Variants in MATN3 observed in about 807,000 individuals in gnomAD.
MATN3 encodes the protein matrilin-3.
MATN3 carries 48 observed loss-of-function variants against 45.3 expected under a neutral mutation model. The observed-to-expected ratio is 1.06, with a 90% CI of 0.84 to 1.35. The LOEUF (loss-of-function observed/expected upper bound fraction) is 1.35. Ranked by LOEUF, MATN3 falls within the 40% of genes most tolerant of loss-of-function variation. The pLI is 0.00. For synonymous variants in MATN3, 217 were observed against 245.9 expected (o/e 0.88, Z 1.10); for missense variants, 599 against 628.0 (o/e 0.95, Z 0.49).
chr2:20,011,798 C>T (rs924514837), intron 1 of MATN3, among the ~76,000 whole-genome samples: 1 of 152,206 alleles, frequency 6.6e-6, no homozygotes, highest in Non-Finnish European at 1.5e-5. Context: ...CTGTGTCAGA[C>T]GACCTGCCCG....
rs200692455 is a variant in MATN3 at position 20,007,771 on chromosome 2, A to G, written c.224-1461T>C. On this transcript the variant is annotated intron_variant, in intron 1 of 7. Coordinates refer to ENST00000407540, the MANE Select transcript of MATN3 (RefSeq NM_002381.5). ...TATAAACCAGATAGCCAGATTTCCC[A>G]CCTTCAAAGAATTTATCTCTTTTCT... 2.6e-5 allele frequency among the ~76,000 whole-genome samples: 4 copies of G among 152,270 alleles called. No homozygotes were observed. The East Asian group carries it at 5.8e-4, about 22-fold the overall frequency.
intron 6 of MATN3, among the ~76,000 whole-genome samples, chr2:19,996,325 A>G (rs1001691072): frequency 1.5e-4 from 23 of 152,334 alleles, no homozygotes; most frequent in African/African-American, 5.3e-4. Context: ...TTTTGAAAGA[A>G]ATTAAAGAAG....
In MATN3 at chr2:19,992,598, T is replaced by C. The variant is rs1672778863; in HGVS notation, c.*513A>G. ...AATCTATTGATCACATCTTCAATAA[T>C]ACTCCAACAAAATAAGCAAAAAACA... On this transcript the variant is annotated 3_prime_UTR_variant, in exon 8 of 8. Transcript: ENST00000407540. The C allele has an allele frequency of 6.4e-6, 1 of 155,348 alleles. No homozygotes were observed. Among genetic ancestry groups the C allele is most frequent in the Admixed American group, 6.5e-5 (1 of 15,344 alleles). 9.6% of individuals were successfully genotyped at this position (155,348 alleles called of 1,614,324 possible). A position where few individuals can be genotyped will look rare whatever the true frequency, so the allele number is the denominator to read the frequency against.
chr2:20,008,664 G>C (rs1279630081), intron 1 of MATN3, among the ~76,000 whole-genome samples: 5 of 152,092 alleles, frequency 3.3e-5, no homozygotes, highest in Admixed American at 6.5e-5. Flanking sequence ...TGGAGGTGCA[G>C]AGGTGGTTTT....
intron 5 of MATN3, among the ~76,000 whole-genome samples, chr2:19,998,513 T>C (rs1163358946): frequency 6.6e-6 from 1 of 152,204 alleles, no homozygotes; most frequent in East Asian, 1.9e-4. Context: ...CCCAGCACTT[T>C]GGGAAGCCAA....
At chr2:20,008,172 A>G (rs1673149401) in intron 1 of MATN3, among the ~76,000 whole-genome samples, 1 of 152,190 alleles carries the variant, frequency 6.6e-6, no homozygotes, top group African/African-American at 2.4e-5. Context: ...TATGTTGGCC[A>G]GGCTGGGCTC....
Position 20,006,253 on chromosome 2 carries a change from A to G in MATN3, c.281T>C (p.Val94Ala), listed in dbSNP as rs1673105636. 6.2e-7 allele frequency: 1 copy of G among 1,607,800 alleles called. No individual in the cohort carries two copies. Among genetic ancestry groups the G allele is most frequent in the Non-Finnish European group, 8.5e-7 (1 of 1,178,002 alleles). The change falls in exon 2 of 8, where the codon GTA becomes GCA. Residue 94 changes from valine (V) to alanine (A), a missense_variant. Transcript: ENST00000407540. ...CACTTTGGTGAATTCCAGGGGCCGT[A>G]CGCTACGAGAACTATCAATGATAAA... ...LVFIIDSSRSVRPLEFTKVKT... is the reference protein window; with the variant it reads ...LVFIIDSSRSARPLEFTKVKT...
chr2:19,994,510 CTT>C, intron 6 of MATN3, 101 bp from the exon 7 acceptor site: 1 of 702,238 alleles, frequency 1.4e-6, no homozygotes, highest in Non-Finnish European at 2.4e-6. Flanking sequence ...ACCGTTAAGA[CTT>C]ACCTAAGTGC....
At chr2:19,998,813 T>G (rs1672929687) in intron 5 of MATN3, among the ~76,000 whole-genome samples, 1 of 152,130 alleles carries the variant, frequency 6.6e-6, no homozygotes, top group African/African-American at 2.4e-5. Context: ...ACTAGTATTC[T>G]TTCTCTTCTG....
intron 1 of MATN3, among the ~76,000 whole-genome samples, chr2:20,010,317 G>C (rs1469067258): frequency 1.3e-5 from 2 of 152,128 alleles, no homozygotes; most frequent in Non-Finnish European, 2.9e-5. Flanking sequence ...AACTAAACGT[G>C]CATGATTCTT....
At position 19,997,331 on chromosome 2, in the gene MATN3, G is replaced by C. The variant is rs1020399677; in HGVS notation, c.1169-72C>G. On this transcript the variant is annotated intron_variant, in intron 5 of 7. Coordinates refer to ENST00000407540, the MANE Select transcript of MATN3 (RefSeq NM_002381.5). ...AAAAGTAAACACAAATGTTTGAGAG[G>C]AGAAGCTTCCATTTGGTCCCCACAA... The C allele has an allele frequency of 7.5e-6, 11 of 1,468,762 alleles. 1 individual carries two copies. The Admixed American group carries it at 1.9e-4, about 25-fold the overall frequency. 91.0% of individuals were successfully genotyped at this position (1,468,762 alleles called of 1,614,324 possible).
intron 1 of MATN3, among the ~76,000 whole-genome samples, chr2:20,006,818 C>A (rs1028129519): frequency 6.6e-6 from 1 of 152,178 alleles, no homozygotes; most frequent in African/African-American, 2.4e-5. Context: ...CTCTTTTACT[C>A]CACTTCCAAG....
At position 20,000,353 on chromosome 2, in the gene MATN3, T is replaced by C. The variant is rs1332184378; in HGVS notation, c.1168+88A>G. 2.5e-6 allele frequency: 3 copies of C among 1,213,876 alleles called. No individual in the cohort carries two copies. In the African/African-American group the frequency reaches 4.7e-5, roughly 19 times the overall value. 75.2% of individuals were successfully genotyped at this position (1,213,876 alleles called of 1,614,324 possible). The stretch of plus-strand genomic sequence containing the variant: ...GAATGTCTGAACCTTGATCTTAAGT[T>C]ACCTTTAAAAACCTCTTTGCTGGTG... On this transcript the variant is annotated intron_variant, in intron 5 of 7. Transcript: ENST00000407540.
At chr2:20,004,097 C>T (rs1055439743) in intron 2 of MATN3, 1 of 152,210 alleles carries the variant, frequency 6.6e-6, no homozygotes, top group African/African-American at 2.4e-5. Flanking sequence ...GAGGCTGGCC[C>T]TCCTGTGGCA....
rs2077676 is a variant in MATN3 at position 20,005,591 on chromosome 2, C to T, written c.790+153G>A. On this transcript the variant is annotated intron_variant, in intron 2 of 7. Coordinates refer to ENST00000407540, the MANE Select transcript of MATN3 (RefSeq NM_002381.5). ...TGTGTTTAGGTTGGTCGCACACACG[C>T]GCGCATGCACACGTGCACACACACA... Among the ~76,000 whole-genome samples the T allele has an allele frequency of 0.018, 2,671 of 152,256 alleles. 33 individuals carry two copies. The highest frequency in any genetic ancestry group is 0.028 in the Non-Finnish European group (1,893 of 68,022).
At chr2:20,000,295 G>T in intron 5 of MATN3, 146 bp downstream of exon 5, 1 of 669,392 alleles carries the variant, frequency 1.5e-6, no homozygotes, top group East Asian at 2.9e-5. Context: ...ACCACCCTCT[G>T]AGCAATGTGT....
intron 2 of MATN3, among the ~76,000 whole-genome samples, chr2:20,004,462 C>A (rs1481693781): frequency 6.6e-6 from 1 of 152,126 alleles, no homozygotes; most frequent in South Asian, 2.1e-4. Flanking sequence ...TGGAAGCCAA[C>A]GAATGCCAAG....
chr2:20,011,534 G>C (rs1441194027), intron 1 of MATN3, among the ~76,000 whole-genome samples: 2 of 152,214 alleles, frequency 1.3e-5, no homozygotes, highest in African/African-American at 4.8e-5. Context: ...GGCATGCAGC[G>C]TGGCTGGCCA....
At chr2:20,002,768 T>C (rs1313903171) in intron 3 of MATN3, among the ~76,000 whole-genome samples, 3 of 151,662 alleles carry the variant, frequency 2.0e-5, no homozygotes, top group African/African-American at 7.3e-5. Context: ...CCTGGCTTTT[T>C]TTTTTAAATT....
Sources: allele counts gnomAD v4.1 joint callset (sites outside exome capture counted in the v4.1 genomes callset), GRCh38; gene constraint gnomAD v4.1.1; transcripts MANE v1.5; gene names NCBI Gene and HGNC (gene_info 2026-07-23, HGNC 2026-07-21).